The following CSMD3 variants were observed in gnomAD, a reference collection of about 807,000 sequenced individuals.
CSMD3 encodes the protein CUB and sushi domain-containing protein 3.
A neutral mutation model predicts 435.2 loss-of-function variants in CSMD3; 177 were observed. That is an observed-to-expected ratio of 0.41 (90% CI 0.36 to 0.46). CSMD3 has a LOEUF of 0.46. CSMD3 is among the 20% of genes least tolerant of loss of function. The pLI, the probability that CSMD3 is intolerant of heterozygous loss-of-function variation, is 0.34. For missense variants in CSMD3, 4,265 were observed against 4,504.6 expected (o/e 0.95, Z 1.52); for synonymous variants, 1,656 against 1,520.5 (o/e 1.09, Z -2.07).
chr8:112,796,648 T>C (rs1457595390), intron 13 of CSMD3, among the ~76,000 whole-genome samples: 1 of 151,976 alleles, frequency 6.6e-6, no homozygotes, highest in Non-Finnish European at 1.5e-5. Flanking sequence ...TTCTGATTAA[T>C]ACGCATTTGG....
chr8:113,097,154 A>T (rs544660436), intron 5 of CSMD3, among the ~76,000 whole-genome samples: 40 of 152,214 alleles, frequency 2.6e-4, no homozygotes, highest in Non-Finnish European at 4.6e-4. Context: ...GAAACAAAGA[A>T]GTAAAACGTT....
chr8:112,491,392 C>T (rs1028549459), intron 31 of CSMD3, among the ~76,000 whole-genome samples: 11 of 152,098 alleles, frequency 7.2e-5, no homozygotes, highest in Admixed American at 7.2e-4. Context: ...CAGTGGCTCA[C>T]TCCTGTAATC....
Position 112,567,069 on chromosome 8 carries a change from A to G in CSMD3, c.4042+6432T>C, listed in dbSNP as rs202222465. ...TGTCTTTGACCTAGATTCCCTTGGC[A>G]TGAGATGATGAACCCCGGTTATTTG... On this transcript the variant is annotated intron_variant, in intron 24 of 70. Transcript: ENST00000297405. Among the ~76,000 whole-genome samples the G allele has an allele frequency of 1.2e-4, 19 of 152,194 alleles. No homozygotes were observed. The East Asian group carries it at 3.5e-3, about 28-fold the overall frequency.
chr8:112,920,668 G>T (rs1033117444), intron 10 of CSMD3, among the ~76,000 whole-genome samples: 1 of 151,626 alleles, frequency 6.6e-6, no homozygotes, highest in African/African-American at 2.4e-5. Context: ...TAGTCAAATT[G>T]ACTTATAATC....
At chr8:113,294,745 G>A (rs1387656817) in intron 2 of CSMD3, among the ~76,000 whole-genome samples, 25 of 151,816 alleles carry the variant, frequency 1.6e-4, no homozygotes, top group Admixed American at 1.6e-3. Flanking sequence ...TAAGCTATTT[G>A]ACTGTGAAAA....
chr8:113,327,933 T>C (rs191434916), intron 1 of CSMD3, among the ~76,000 whole-genome samples: 1 of 152,256 alleles, frequency 6.6e-6, no homozygotes, highest in African/African-American at 2.4e-5. Context: ...GTTATGTGCA[T>C]GTACAGGCCT....
At chr8:112,800,745 A>G (rs1268759914) in intron 12 of CSMD3, among the ~76,000 whole-genome samples, 1 of 152,054 alleles carries the variant, frequency 6.6e-6, no homozygotes, top group Non-Finnish European at 1.5e-5. Context: ...TCGAATACAC[A>G]AGCCTTAAAA....
At chr8:112,493,783 T>C (rs1349103036) in intron 30 of CSMD3, among the ~76,000 whole-genome samples, 1 of 152,160 alleles carries the variant, frequency 6.6e-6, no homozygotes, top group East Asian at 1.9e-4. Flanking sequence ...ACTTTGTTGT[T>C]AACAGATCTG....
chr8:113,106,693 GGT>G (rs2090487617), intron 4 of CSMD3, among the ~76,000 whole-genome samples: 1 of 152,166 alleles, frequency 6.6e-6, no homozygotes, highest in South Asian at 2.1e-4. Context: ...CCATTTATGA[GGT>G]GTTGCTGGGA....
In CSMD3 at chr8:112,492,544, A is replaced by G. The variant is rs139443371; in HGVS notation, c.5223T>C (p.Cys1741=). Residue 1741 remains cysteine (C), a synonymous_variant, in exon 31 of 71, where the codon TGT becomes TGC. Coordinates refer to ENST00000297405, the MANE Select transcript of CSMD3 (RefSeq NM_198123.2). ...YVLQGYSTLT[C]IMGDDGRPGW... The stretch of plus-strand genomic sequence containing the variant: ...CAGGTCTTCCATCATCTCCCATGAT[A>G]CAGGTGAGTGTTGAATAACCTTGAA... 1.6e-5 allele frequency: 26 copies of G among 1,613,936 alleles called. 1 individual carries two copies. The African/African-American group carries it at 2.8e-4, about 17-fold the overall frequency.
chr8:112,366,413 T>C (rs773717634), intron 38 of CSMD3, among the ~76,000 whole-genome samples: 3 of 152,156 alleles, frequency 2.0e-5, no homozygotes, highest in Non-Finnish European at 4.4e-5. Context: ...TTGTGTTGTT[T>C]TGAAATGGAG....
chr8:112,652,763 T>C (rs1245099328), intron 18 of CSMD3, among the ~76,000 whole-genome samples: 1 of 152,218 alleles, frequency 6.6e-6, no homozygotes, highest in East Asian at 1.9e-4. Context: ...GTATTATTTA[T>C]TAACTGATAG....
rs143798403 is a variant in CSMD3 at position 112,496,126 on chromosome 8, C to T, written c.5084-3443G>A. Among the ~76,000 whole-genome samples the T allele has an allele frequency of 6.9e-3, 1,043 of 152,116 alleles. 7 individuals are homozygous for T. The highest frequency in any genetic ancestry group is 0.024 in the African/African-American group (990 of 41,506). ...CTGGGACTACAGGAGCCCGCCACCA[C>T]GCCCGGCCAATTTTTTGTATTTTTA... On this transcript the variant is annotated intron_variant, in intron 30 of 70. Transcript: ENST00000297405.
At chr8:112,806,177 C>T (rs2079081074) in intron 12 of CSMD3, among the ~76,000 whole-genome samples, 1 of 152,090 alleles carries the variant, frequency 6.6e-6, no homozygotes, top group African/African-American at 2.4e-5. Context: ...AATAATTCCT[C>T]GGATCCTTTT....
intron 3 of CSMD3, among the ~76,000 whole-genome samples, chr8:113,254,153 C>T (rs535824226): frequency 6.8e-6 from 1 of 146,796 alleles, no homozygotes; most frequent in South Asian, 2.2e-4. Flanking sequence ...TGTACATTTT[C>T]AACGTGTCTG....
At chr8:113,103,349 T>C (rs2090384204) in intron 4 of CSMD3, among the ~76,000 whole-genome samples, 1 of 152,154 alleles carries the variant, frequency 6.6e-6, no homozygotes, top group Non-Finnish European at 1.5e-5. Context: ...GTTTGTAAGA[T>C]TTAAAGTCAT....
intron 58 of CSMD3, among the ~76,000 whole-genome samples, chr8:112,284,595 G>A (rs1316575638): frequency 6.6e-6 from 1 of 151,766 alleles, no homozygotes; most frequent in Non-Finnish European, 1.5e-5. Context: ...ATTAGATCAT[G>A]TAAACATAAA....
chr8:112,887,711 C>T (rs933733029), intron 10 of CSMD3, among the ~76,000 whole-genome samples: 10 of 147,492 alleles, frequency 6.8e-5, no homozygotes, highest in Non-Finnish European at 1.5e-4. Context: ...TGGTTGATTA[C>T]TTAAACTATT....
intron 3 of CSMD3, among the ~76,000 whole-genome samples, chr8:113,176,844 C>T (rs2092353609): frequency 6.6e-6 from 1 of 151,208 alleles, no homozygotes; most frequent in Admixed American, 6.6e-5. Context: ...ACCATCATGG[C>T]ACACTTTTAC....
Sources: gnomAD v4.1 joint callset for allele counts (sites outside exome capture counted in the v4.1 genomes callset) on GRCh38, gnomAD v4.1.1 for gene constraint, MANE v1.5 for transcripts, NCBI Gene and HGNC (gene_info 2026-07-23, HGNC 2026-07-21) for gene names.